Variants in HS3ST4 observed in about 807,000 individuals in gnomAD.
The protein encoded by HS3ST4 is heparan sulfate-glucosamine 3-sulfotransferase 4.
Under a neutral mutation model 29.2 loss-of-function variants are expected in HS3ST4, and 17 were observed. The observed-to-expected ratio is 0.58, with a 90% CI of 0.40 to 0.87. HS3ST4 has a LOEUF of 0.87. Among genes scored for constraint, HS3ST4 ranks in the 40% least tolerant of loss-of-function variants. The pLI, the probability that HS3ST4 is intolerant of heterozygous loss-of-function variation, is 0.00. For missense variants in HS3ST4, 627 were observed against 634.5 expected (o/e 0.99, Z 0.13); for synonymous variants, 314 against 285.7 (o/e 1.10, Z -1.00).
intron 1 of HS3ST4, among the ~76,000 whole-genome samples, chr16:26,018,822 C>A (rs1278764668): frequency 6.7e-6 from 1 of 148,966 alleles, no homozygotes; most frequent in African/African-American, 2.6e-5. Flanking sequence ...GGCAACCAAG[C>A]CTCCTCATGG....
intron 1 of HS3ST4, among the ~76,000 whole-genome samples, chr16:25,975,253 A>G (rs1968933442): frequency 6.6e-6 from 1 of 151,228 alleles, no homozygotes; most frequent in Admixed American, 6.6e-5. Context: ...GTATACATGG[A>G]CACAAAGAAG....
chr16:26,085,224 A>G (rs1010161360), intron 1 of HS3ST4, among the ~76,000 whole-genome samples: 1 of 152,236 alleles, frequency 6.6e-6, no homozygotes, highest in African/African-American at 2.4e-5. Context: ...AATTTTGGTC[A>G]AGCATGGAAA....
At chr16:25,887,934 T>G (rs1429703334) in intron 1 of HS3ST4, among the ~76,000 whole-genome samples, 2 of 152,062 alleles carry the variant, frequency 1.3e-5, no homozygotes, top group Non-Finnish European at 2.9e-5. Flanking sequence ...TCTGACCTCA[T>G]GATCTGCCTG....
chr16:25,928,918 C>T (rs8049002), intron 1 of HS3ST4, among the ~76,000 whole-genome samples: 3,183 of 152,228 alleles, frequency 0.021, 122 homozygotes, highest in African/African-American at 0.073. Context: ...GGATACTTTA[C>T]GTTGTATCTG....
intron 1 of HS3ST4, among the ~76,000 whole-genome samples, chr16:26,098,836 G>C (rs933443067): frequency 4.6e-5 from 7 of 152,120 alleles, no homozygotes; most frequent in Admixed American, 4.6e-4. Context: ...TTGATGGATA[G>C]AGGAAAGAAG....
chr16:25,838,656 C>A (rs1015470040), intron 1 of HS3ST4, among the ~76,000 whole-genome samples: 2 of 152,158 alleles, frequency 1.3e-5, no homozygotes, highest in African/African-American at 4.8e-5. Context: ...CCAGTCCCTT[C>A]TAAGTCTTTT....
At chr16:25,831,893 TC>T (rs2141639983) in intron 1 of HS3ST4, among the ~76,000 whole-genome samples, 1 of 151,148 alleles carries the variant, frequency 6.6e-6, no homozygotes, top group South Asian at 2.1e-4. Context: ...ATTGCTGGGG[TC>T]CAGGAGTTTG....
At chr16:26,133,329 A>G (rs574996559) in intron 1 of HS3ST4, among the ~76,000 whole-genome samples, 4 of 152,312 alleles carry the variant, frequency 2.6e-5, no homozygotes, top group African/African-American at 9.6e-5. Context: ...ATGAAACATT[A>G]AGGGTCAAAA....
intron 1 of HS3ST4, among the ~76,000 whole-genome samples, chr16:25,953,928 C>T (rs1468410940): frequency 6.6e-6 from 1 of 152,128 alleles, no homozygotes; most frequent in Non-Finnish European, 1.5e-5. Flanking sequence ...GAGGGGTGCT[C>T]CTGCGGGTGC....
At chr16:25,792,693 T>C (rs1966871800) in intron 1 of HS3ST4, among the ~76,000 whole-genome samples, 2 of 150,896 alleles carry the variant, frequency 1.3e-5, no homozygotes, top group East Asian at 3.9e-4. Flanking sequence ...TCTGTTTTTC[T>C]TGACCAGTTT....
intron 1 of HS3ST4, among the ~76,000 whole-genome samples, chr16:25,815,301 A>G (rs907513855): frequency 5.3e-5 from 8 of 152,068 alleles, no homozygotes; most frequent in Non-Finnish European, 4.4e-5. Flanking sequence ...GGGGCCCTCT[A>G]TATACAATTT....
At chr16:25,913,945 G>T (rs1217629694) in intron 1 of HS3ST4, among the ~76,000 whole-genome samples, 2 of 148,954 alleles carry the variant, frequency 1.3e-5, no homozygotes, top group Non-Finnish European at 3.0e-5. Context: ...GTGTGTGTGT[G>T]GTGTGTGTGT....
chr16:25,935,347 T>G (rs1340664261), intron 1 of HS3ST4, among the ~76,000 whole-genome samples: 1 of 152,200 alleles, frequency 6.6e-6, no homozygotes. Context: ...ATAGTTTGCA[T>G]TAGGGTTCAC....
intron 1 of HS3ST4, among the ~76,000 whole-genome samples, chr16:26,035,544 G>A (rs557422985): frequency 7.2e-4 from 110 of 152,306 alleles, no homozygotes; most frequent in Non-Finnish European, 1.3e-3. Flanking sequence ...CACAAACTTA[G>A]GAATCTTTTC....
At chr16:25,828,248 CTT>C (rs1214062622) in intron 1 of HS3ST4, among the ~76,000 whole-genome samples, 28 of 60,478 alleles carry the variant, frequency 4.6e-4, no homozygotes, top group Middle Eastern at 7.9e-3. Context: ...CTTTCTCTTT[CTT>C]TCTTTCTTTC....
At chr16:25,961,221 G>A (rs1175186310) in intron 1 of HS3ST4, among the ~76,000 whole-genome samples, 5 of 152,194 alleles carry the variant, frequency 3.3e-5, no homozygotes, top group Non-Finnish European at 7.3e-5. Context: ...CCTGGGATCT[G>A]CTGAATGCAT....
chr16:25,791,474 C>T (rs759822231), intron 1 of HS3ST4, among the ~76,000 whole-genome samples: 17 of 152,052 alleles, frequency 1.1e-4, no homozygotes, highest in Non-Finnish European at 1.9e-4. Context: ...ATTGGAATTA[C>T]CCCCAAATTT....
At chr16:25,793,676 A>T (rs1233521168) in intron 1 of HS3ST4, among the ~76,000 whole-genome samples, 1 of 151,942 alleles carries the variant, frequency 6.6e-6, no homozygotes, top group Non-Finnish European at 1.5e-5. Flanking sequence ...TCTTATATTT[A>T]AGTTGTGTCT....
chr16:25,767,290 T>A (rs1296218357), intron 1 of HS3ST4, among the ~76,000 whole-genome samples: 1 of 152,226 alleles, frequency 6.6e-6, no homozygotes, highest in Non-Finnish European at 1.5e-5. Flanking sequence ...TCCAGTGTTC[T>A]TGAGGAGTTT....
Sources: allele counts gnomAD v4.1 joint callset (sites outside exome capture counted in the v4.1 genomes callset), GRCh38; gene constraint gnomAD v4.1.1; transcripts MANE v1.5; gene names NCBI Gene and HGNC (gene_info 2026-07-23, HGNC 2026-07-21).